The following EFCC1 variants were observed in gnomAD, a reference collection of about 807,000 sequenced individuals.
The protein encoded by EFCC1 is EF-hand and coiled-coil domain containing 1, also known as EF-hand and coiled-coil domain-containing protein 1.
EFCC1 carries 50 observed loss-of-function variants against 52.1 expected under a neutral mutation model. The ratio of observed to expected loss-of-function variants is 0.96; its 90% CI spans 0.76 to 1.21. EFCC1 has a LOEUF of 1.21. Ranked by LOEUF, EFCC1 falls within the 50% of genes most tolerant of loss-of-function variation. The pLI is 0.00. For missense variants in EFCC1, 837 were observed against 867.3 expected (o/e 0.97, Z 0.44); for synonymous variants, 399 against 396.5 (o/e 1.01, Z -0.08).
Position 129,032,959 on chromosome 3 carries a change from A to C in EFCC1, c.1279A>C (p.Arg427=), listed in dbSNP as rs1559975297. The C allele has an allele frequency of 6.5e-7, 1 of 1,542,328 alleles. No homozygotes were observed. The highest frequency in any genetic ancestry group is 2.5e-5 in the East Asian group (1 of 40,746). Residue 427 remains arginine, a synonymous_variant, in exon 4 of 8, where the codon AGA becomes CGA. Transcript: ENST00000683648. ...KTLLARLSSC[R]GRCDDQTAEK... is the part of the protein sequence containing the mutation. Reference sequence around the variant, plus strand: ...ACTGCTGGCCCGGCTCTCCAGCTGCAGAGGCAGGTGTGTGGCCCGTCCAGC... The same window carrying C: ...ACTGCTGGCCCGGCTCTCCAGCTGCCGAGGCAGGTGTGTGGCCCGTCCAGC...
At chr3:129,034,467 T>C (rs1054052832) in intron 5 of EFCC1, 138 bp downstream of exon 5, 60 of 979,598 alleles carry the variant, frequency 6.1e-5, no homozygotes, top group Admixed American at 5.3e-4. Context: ...TGATTTCCTC[T>C]GATTTAAATT....
chr3:129,025,995 C>T (rs1946090148), intron 2 of EFCC1, among the ~76,000 whole-genome samples: 2 of 152,242 alleles, frequency 1.3e-5, no homozygotes, highest in Non-Finnish European at 2.9e-5. Flanking sequence ...TGAGTGCAGA[C>T]CCCACCTCTC....
chr3:129,040,032 C>T lies in EFCC1; in HGVS notation c.*184C>T. 1.4e-6 allele frequency: 1 copy of T among 708,764 alleles called. No individual in the cohort carries two copies. Among genetic ancestry groups the T allele is most frequent in the South Asian group, 2.7e-5 (1 of 36,612 alleles). The allele number at this position is 708,764 out of a possible 1,614,324, so 43.9% of individuals were successfully genotyped here. A position where few individuals can be genotyped will look rare whatever the true frequency, so the allele number is the denominator to read the frequency against. On this transcript the variant is annotated 3_prime_UTR_variant, in exon 8 of 8. Coordinates refer to ENST00000683648, the MANE Select transcript of EFCC1 (RefSeq NM_001377500.1). The surrounding 1 kb of genome is among the most constrained non-coding windows in gnomAD (Gnocchi z 4.4). ...CTCCCATTGCAGCACCTGGCAGCCA[C>T]CCCTTCCTCGGGCTCCTCCACATTA...
intron 2 of EFCC1, among the ~76,000 whole-genome samples, chr3:129,026,060 C>G (rs1359636363): frequency 6.6e-6 from 1 of 152,256 alleles, no homozygotes; most frequent in African/African-American, 2.4e-5. Context: ...GTTTCCTCCT[C>G]TGTAAATGGA....
chr3:129,021,064 C>T (rs1284371136), intron 2 of EFCC1, among the ~76,000 whole-genome samples: 1 of 152,148 alleles, frequency 6.6e-6, no homozygotes, highest in Non-Finnish European at 1.5e-5. Context: ...GAGGGTTTGC[C>T]TCAGTGACTG....
chr3:129,031,861 G>C (rs552620356), intron 3 of EFCC1, among the ~76,000 whole-genome samples: 6 of 152,314 alleles, frequency 3.9e-5, no homozygotes, highest in African/African-American at 1.4e-4. Context: ...TCCAAGTCTT[G>C]GGTTAACTCC....
chr3:129,002,299 G>A lies in EFCC1; in HGVS notation c.671G>A (p.Ser224Asn), dbSNP rs770159370. The change falls in exon 1 of 8, where the codon AGT (serine) becomes AAT (asparagine). Residue 224 changes from serine to asparagine, a missense_variant. By Grantham distance (46) the Ser-to-Asn change is conservative. Transcript: ENST00000683648. ...GACCTGCGCGCCGCGCTGCAGAGCA[G>A]TGATGCGCGCTGCCTAGCACTGCAG... The part of the protein sequence containing the change: ...VEDLRAALQS[S>N]DARCLALQVG... 1.2e-5 allele frequency: 19 copies of A among 1,526,618 alleles called. No homozygotes were observed. In the South Asian group the frequency reaches 1.4e-4, roughly 12 times the overall value. 94.6% of individuals were successfully genotyped at this position (1,526,618 alleles called of 1,614,324 possible).
intron 2 of EFCC1, among the ~76,000 whole-genome samples, chr3:129,017,867 C>T (rs989778687): frequency 6.6e-6 from 1 of 152,162 alleles, no homozygotes; most frequent in Non-Finnish European, 1.5e-5. Context: ...ATTCTGCCCA[C>T]CCCCGTGAGG....
At chr3:129,006,947 A>C (rs1008921701) in intron 2 of EFCC1, among the ~76,000 whole-genome samples, 4 of 152,206 alleles carry the variant, frequency 2.6e-5, no homozygotes, top group Non-Finnish European at 4.4e-5. Flanking sequence ...TTGAGCATCA[A>C]CTGCATACCA....
chr3:129,034,157 G>C lies in EFCC1; in HGVS notation c.1287-7G>C. The C allele has an allele frequency of 6.2e-7, 1 of 1,614,218 alleles. No homozygotes were observed. Among genetic ancestry groups the C allele is most frequent in the South Asian group, 1.1e-5 (1 of 91,088 alleles). On this transcript the variant is annotated splice_region_variant and splice_polypyrimidine_tract_variant and intron_variant, in intron 4 of 7. Transcript: ENST00000683648. The stretch of plus-strand genomic sequence containing the variant: ...CCCTGCAATGCGGGCCCTCTCCTTT[G>C]CTGCAGGTGTGATGACCAGACGGCG...
chr3:129,030,285 G>T (rs1559973956), intron 2 of EFCC1, among the ~76,000 whole-genome samples: 1 of 152,166 alleles, frequency 6.6e-6, no homozygotes, highest in African/African-American at 2.4e-5. Context: ...TAGGGCTGAT[G>T]AACTCAACAG....
chr3:129,005,494 C>T (rs1945033469), intron 2 of EFCC1, among the ~76,000 whole-genome samples: 1 of 152,222 alleles, frequency 6.6e-6, no homozygotes, highest in Non-Finnish European at 1.5e-5. Flanking sequence ...AGAGAAAGAA[C>T]ATGAAACCAT....
rs1301675280 is a variant in EFCC1 at position 129,002,220 on chromosome 3, G to C, written c.592G>C (p.Glu198Gln). The C allele has an allele frequency of 6.5e-6, 10 of 1,528,844 alleles. No homozygotes were observed. Among genetic ancestry groups the C allele is most frequent in the Non-Finnish European group, 8.7e-6 (10 of 1,143,410 alleles). 94.7% of individuals were successfully genotyped at this position (1,528,844 alleles called of 1,614,324 possible). A position where few individuals can be genotyped will look rare whatever the true frequency, so the allele number is the denominator to read the frequency against. Residue 198 changes from glutamate to glutamine, a missense_variant, in exon 1 of 8, where the codon GAG (glutamate) becomes CAG (glutamine). Coordinates refer to ENST00000683648, the MANE Select transcript of EFCC1 (RefSeq NM_001377500.1). The part of the protein sequence containing the change: ...APGPDSGPDC[E>Q]RVARLEEENS... ...TGGCCCCGACAGCGGTCCTGACTGT[G>C]AGCGCGTTGCGCGGCTGGAGGAGGA...
Position 129,039,383 on chromosome 3 carries a change from G to C in EFCC1, c.1664-329G>C, listed in dbSNP as rs189141016. 1.6e-3 allele frequency among the ~76,000 whole-genome samples: 241 copies of C among 152,310 alleles called. 2 individuals carry two copies. Among genetic ancestry groups the C allele is most frequent in the Non-Finnish European group, 7.1e-4 (48 of 68,016 alleles). On this transcript the variant is annotated intron_variant, in intron 7 of 7. Transcript: ENST00000683648. ...AGCTTATGCCTGGGGCAGCCAGGCC[G>C]AGCTCCTGCCTCACGGGTCTTCACA... is the stretch of plus-strand genomic sequence containing the variant.
chr3:129,018,562 T>C (rs1945689676), intron 2 of EFCC1, among the ~76,000 whole-genome samples: 1 of 152,172 alleles, frequency 6.6e-6, no homozygotes, highest in African/African-American at 2.4e-5. Flanking sequence ...AAGTATTTAC[T>C]CTCTGGCCCT....
intron 7 of EFCC1, 74 bp from the exon 8 acceptor site, chr3:129,039,638 A>G (rs533613542): frequency 4.6e-5 from 70 of 1,506,410 alleles, no homozygotes; most frequent in Middle Eastern, 4.1e-4. Flanking sequence ...GGGTCTCAGG[A>G]AGGAGGGACA....
chr3:129,023,510 T>C (rs1945957405), intron 2 of EFCC1, among the ~76,000 whole-genome samples: 1 of 152,070 alleles, frequency 6.6e-6, no homozygotes, highest in African/African-American at 2.4e-5. Flanking sequence ...GGTTTTGTAT[T>C]TTTAGTAGAG....
Position 129,001,428 on chromosome 3 carries a change from C to T in EFCC1, c.-201C>T, listed in dbSNP as rs543497073. Among the ~76,000 whole-genome samples the T allele has an allele frequency of 5.3e-5, 8 of 152,336 alleles. No individual in the cohort carries two copies. The East Asian group carries it at 1.5e-3, about 29-fold the overall frequency. Reference sequence around the variant, plus strand: ...GTCCCGGGGGTTCCTGGACCCCCTACCCCAGGCCCCTCCAAAGCAACTGGG... The same window carrying T: ...GTCCCGGGGGTTCCTGGACCCCCTATCCCAGGCCCCTCCAAAGCAACTGGG... On this transcript the variant is annotated 5_prime_UTR_variant, in exon 1 of 8. Transcript: ENST00000683648.
At chr3:129,015,176 T>A (rs1220820767) in intron 2 of EFCC1, among the ~76,000 whole-genome samples, 2 of 151,956 alleles carry the variant, frequency 1.3e-5, no homozygotes, top group African/African-American at 4.8e-5. Context: ...TTTCCCATCC[T>A]CTCCTGCAGC....
Sources: allele counts gnomAD v4.1 joint callset (sites outside exome capture counted in the v4.1 genomes callset), GRCh38; gene constraint gnomAD v4.1.1; non-coding constraint Gnocchi (gnomAD v3.1); transcripts MANE v1.5; gene names NCBI Gene and HGNC (gene_info 2026-07-23, HGNC 2026-07-21).